The following CADM2 variants were observed in gnomAD, a reference collection of about 807,000 sequenced individuals.
CADM2 encodes cell adhesion molecule 2.
A neutral mutation model predicts 49.8 loss-of-function variants in CADM2; 12 were observed. That is an observed-to-expected ratio of 0.24 (90% CI 0.15 to 0.39). The LOEUF (loss-of-function observed/expected upper bound fraction) is 0.39. CADM2 is among the 10% of genes least tolerant of loss of function. The pLI is 1.00. For synonymous variants in CADM2, 214 were observed against 175.4 expected, an observed-to-expected ratio of 1.22 and a Z score of -1.74; for missense variants, 378 against 492.3, an observed-to-expected ratio of 0.77 and a Z score of 2.20.
At chr3:85,047,702 C>T (rs541794876) in intron 1 of CADM2, among the ~76,000 whole-genome samples, 1 of 152,166 alleles carries the variant, frequency 6.6e-6, no homozygotes, top group African/African-American at 2.4e-5. Flanking sequence ...TTAGGAGATA[C>T]TTTATCCAAT....
At chr3:85,193,590 C>G (rs1576086378) in intron 1 of CADM2, among the ~76,000 whole-genome samples, 2 of 152,030 alleles carry the variant, frequency 1.3e-5, no homozygotes, top group Non-Finnish European at 2.9e-5. Flanking sequence ...CACCCTCTAT[C>G]CATTGCTGCT....
At position 85,469,976 on chromosome 3, in the gene CADM2, G is replaced by A. The variant is rs535076923; in HGVS notation, c.62-256546G>A. Reference sequence around the variant, plus strand: ...GGAAAATAGCGTTTTTGGAAGGGGAGGTGATGCTGGAGGGAAGCGGAGTAG... The same window carrying A: ...GGAAAATAGCGTTTTTGGAAGGGGAAGTGATGCTGGAGGGAAGCGGAGTAG... On this transcript the variant is annotated intron_variant, in intron 1 of 9. Transcript: ENST00000383699. Among the ~76,000 whole-genome samples, 8 of 152,248 alleles carry A rather than the reference G, an allele frequency of 5.3e-5. No homozygotes were observed. In the East Asian group the frequency reaches 1.5e-3, roughly 29 times the overall value.
intron 3 of CADM2, among the ~76,000 whole-genome samples, chr3:85,882,296 G>C (rs1712929204): frequency 1.3e-5 from 2 of 152,118 alleles, no homozygotes; most frequent in South Asian, 4.1e-4. Flanking sequence ...TTTGCTGTTA[G>C]TAAGGCTCCT....
At chr3:85,952,033 A>G (rs1723487545) in intron 7 of CADM2, among the ~76,000 whole-genome samples, 1 of 150,590 alleles carries the variant, frequency 6.6e-6, no homozygotes, top group Non-Finnish European at 1.5e-5. Context: ...GATGATATAT[A>G]AGAAAGTAGC....
At chr3:85,126,948 A>C (rs73843297) in intron 1 of CADM2, among the ~76,000 whole-genome samples, 463 of 152,264 alleles carry the variant, frequency 3.0e-3, no homozygotes, top group African/African-American at 9.7e-3. Flanking sequence ...GGTGTATGGT[A>C]TGTGCATGCA....
At chr3:85,883,246 GT>G in intron 3 of CADM2, 44 bp from the exon 4 acceptor site, 1 of 1,531,314 alleles carries the variant, frequency 6.5e-7, no homozygotes, top group Non-Finnish European at 8.9e-7. Flanking sequence ...AATACTGACT[GT>G]TTCTGATGTC....
intron 1 of CADM2, among the ~76,000 whole-genome samples, chr3:85,096,230 A>T (rs902105923): frequency 1.3e-5 from 2 of 152,174 alleles, no homozygotes; most frequent in African/African-American, 4.8e-5. Context: ...GTATTAGTAC[A>T]GTGAGTTAAA....
At chr3:86,003,538 C>T (rs1249843425) in intron 8 of CADM2, among the ~76,000 whole-genome samples, 7 of 152,018 alleles carry the variant, frequency 4.6e-5, no homozygotes, top group Non-Finnish European at 2.9e-5. Flanking sequence ...TTGCTGTGAG[C>T]GTAATTAATA....
rs1257225422 is a variant in CADM2 at position 85,214,907 on chromosome 3, C to T, written c.61+255239C>T. Among the ~76,000 whole-genome samples the T allele has an allele frequency of 2.0e-5, 3 of 152,196 alleles. No homozygotes were observed. The South Asian group carries it at 6.2e-4, about 32-fold the overall frequency. On this transcript the variant is annotated intron_variant, in intron 1 of 9. Coordinates refer to ENST00000383699, the MANE Select transcript of CADM2 (RefSeq NM_001167675.2). ...TAGAAATGCCATCCAGGAGTCATGG[C>T]CTGGAATTGGAGACTCCAGGAGGCT... is the stretch of plus-strand genomic sequence containing the variant.
intron 2 of CADM2, among the ~76,000 whole-genome samples, chr3:85,745,369 T>C (rs1177236369): frequency 2.0e-5 from 3 of 152,268 alleles, no homozygotes; most frequent in East Asian, 3.9e-4. Context: ...TTTTATTTCC[T>C]AGTTGACCAT....
At chr3:85,575,004 C>A (rs1470471808) in intron 1 of CADM2, among the ~76,000 whole-genome samples, 1 of 152,040 alleles carries the variant, frequency 6.6e-6, no homozygotes, top group Admixed American at 6.6e-5. Context: ...TCACCTTTTT[C>A]TTTTTAAAAT....
intron 1 of CADM2, among the ~76,000 whole-genome samples, chr3:85,356,010 T>C (rs2031823692): frequency 1.3e-5 from 2 of 152,130 alleles, no homozygotes; most frequent in African/African-American, 4.8e-5. Flanking sequence ...CCATTTTAAA[T>C]AATGTTTTGA....
chr3:85,811,713 GGTT>G (rs1344194919), intron 3 of CADM2, among the ~76,000 whole-genome samples: 50 of 152,226 alleles, frequency 3.3e-4, no homozygotes, highest in African/African-American at 1.1e-3. Flanking sequence ...CATTTTAGAC[GGTT>G]GTGGCAGTAG....
At chr3:85,020,516 T>C (rs1418552955) in intron 1 of CADM2, among the ~76,000 whole-genome samples, 1 of 152,196 alleles carries the variant, frequency 6.6e-6, no homozygotes, top group Non-Finnish European at 1.5e-5. Context: ...TTATTCATAA[T>C]TTATACTTCA....
At chr3:85,982,400 G>C (rs1727584516) in intron 8 of CADM2, among the ~76,000 whole-genome samples, 1 of 151,452 alleles carries the variant, frequency 6.6e-6, no homozygotes, top group South Asian at 2.1e-4. Context: ...CTTAAAGTTT[G>C]AAAGATAACA....
intron 2 of CADM2, among the ~76,000 whole-genome samples, chr3:85,749,398 C>T (rs992199177): frequency 1.3e-5 from 2 of 151,930 alleles, no homozygotes; most frequent in Middle Eastern, 6.8e-3. Context: ...GATAATTATT[C>T]TTCAGTTATC....
rs969224770 is a variant in CADM2 at position 86,071,467 on chromosome 3, T to A, written c.*4684T>A. On this transcript the variant is annotated 3_prime_UTR_variant, in exon 10 of 10. Transcript: ENST00000383699. ...ACAATGGGTTCTAAAATCATCAGCA[T>A]TTTTATGTATTGAGATTATTAATAT... 2.0e-5 allele frequency: 3 copies of A among 151,876 alleles called. No homozygotes were observed. Among genetic ancestry groups the A allele is most frequent in the South Asian group, 2.1e-4 (1 of 4,826 alleles). The allele number at this position is 151,876 out of a possible 1,614,324, so 9.4% of individuals were successfully genotyped here. A position where few individuals can be genotyped will look rare whatever the true frequency, so the allele number is the denominator to read the frequency against.
At chr3:85,381,258 T>C (rs1469993393) in intron 1 of CADM2, among the ~76,000 whole-genome samples, 16 of 151,414 alleles carry the variant, frequency 1.1e-4, no homozygotes, top group Admixed American at 1.1e-3. Flanking sequence ...TGAATAATGA[T>C]CAACTTTATT....
intron 1 of CADM2, among the ~76,000 whole-genome samples, chr3:85,690,952 T>G (rs1473950850): frequency 6.6e-6 from 1 of 152,184 alleles, no homozygotes; most frequent in African/African-American, 2.4e-5. Context: ...CTAGCTATTT[T>G]GCCATATGCA....
Sources: allele counts gnomAD v4.1 joint callset (sites outside exome capture counted in the v4.1 genomes callset), GRCh38; gene constraint gnomAD v4.1.1; transcripts MANE v1.5; gene names NCBI Gene and HGNC (gene_info 2026-07-23, HGNC 2026-07-21).